The following ZNF146 variants were observed in gnomAD, a reference collection of about 807,000 sequenced individuals.
The protein encoded by ZNF146 is zinc finger protein OZF.
ZNF146 carries 9 observed loss-of-function variants against 22.2 expected under a neutral mutation model. That is an observed-to-expected ratio of 0.41 (90% CI 0.24 to 0.71). The LOEUF is 0.71. Ranked by LOEUF, ZNF146 falls within the 30% of genes least tolerant of loss-of-function variation. ZNF146 has a pLI of 0.34. For synonymous variants in ZNF146, 108 were observed against 119.2 expected (o/e 0.91, Z 0.61); for missense variants, 194 against 344.8 (o/e 0.56, Z 3.46).
chr19:36,236,313 G>T lies in ZNF146; in HGVS notation c.-128G>T. ...CTTATCCCTTACTCTGCATTTGGGA[G>T]ATCATACACAGAGAAGCCTTATAAA... On this transcript the variant is annotated 5_prime_UTR_variant, in exon 4 of 4. Coordinates refer to ENST00000443387, the MANE Select transcript of ZNF146 (RefSeq NM_007145.3). The T allele has an allele frequency of 9.0e-7, 1 of 1,110,148 alleles. No homozygotes were observed. Among genetic ancestry groups the T allele is most frequent in the African/African-American group, 1.6e-5 (1 of 63,310 alleles). The allele number at this position is 1,110,148 out of a possible 1,614,324, so 68.8% of individuals were successfully genotyped here. A position where few individuals can be genotyped will look rare whatever the true frequency, so the allele number is the denominator to read the frequency against.
intron 2 of ZNF146, among the ~76,000 whole-genome samples, chr19:36,226,809 C>T (rs559064402): frequency 2.6e-5 from 4 of 152,288 alleles, no homozygotes; most frequent in African/African-American, 7.2e-5. Context: ...TTTTGGGCCA[C>T]GTGCAGTGGC....
intron 2 of ZNF146, among the ~76,000 whole-genome samples, chr19:36,225,829 C>T (rs1230962911): frequency 2.1e-5 from 3 of 143,900 alleles, no homozygotes; most frequent in Non-Finnish European, 4.5e-5. Context: ...GGCATGATCA[C>T]GGCTCACTGC....
Position 36,233,914 on chromosome 19 carries a change from C to T in ZNF146, c.-782-1745C>T, listed in dbSNP as rs187762236. On this transcript the variant is annotated intron_variant, in intron 3 of 3. Transcript: ENST00000443387. Reference sequence around the variant, plus strand: ...AATCCTCCTCAGCACAGACCCTTTACGGGTGTCGGACTGGGGGACGGTCAG... The same window carrying T: ...AATCCTCCTCAGCACAGACCCTTTATGGGTGTCGGACTGGGGGACGGTCAG... Among the ~76,000 whole-genome samples, 43 of 146,732 alleles carry T rather than the reference C, an allele frequency of 2.9e-4. 1 individual carries two copies. Among genetic ancestry groups the T allele is most frequent in the Admixed American group, 2.6e-3 (39 of 15,088 alleles).
chr19:36,222,755 G>A (rs1976901441), intron 2 of ZNF146, among the ~76,000 whole-genome samples: 1 of 135,250 alleles, frequency 7.4e-6, no homozygotes, highest in Non-Finnish European at 1.6e-5. Context: ...AGAAAGGTTA[G>A]CCCTGTATGA....
At chr19:36,221,548 A>G (rs2145407619) in intron 2 of ZNF146, among the ~76,000 whole-genome samples, 1 of 152,226 alleles carries the variant, frequency 6.6e-6, no homozygotes, top group South Asian at 2.1e-4. Flanking sequence ...TCAGCCTCCC[A>G]AAGTACTGGG....
chr19:36,227,582 T>C (rs2145428337), intron 2 of ZNF146, among the ~76,000 whole-genome samples: 1 of 152,140 alleles, frequency 6.6e-6, no homozygotes, highest in South Asian at 2.1e-4. Flanking sequence ...GATGAACCTG[T>C]ATTCCAGGTT....
At chr19:36,218,988 T>C (rs991711201) in intron 2 of ZNF146, among the ~76,000 whole-genome samples, 13 of 151,150 alleles carry the variant, frequency 8.6e-5, no homozygotes, top group African/African-American at 3.2e-4. Context: ...TTTTGTATTT[T>C]TAGTAGAGAC....
intron 3 of ZNF146, 74 bp from the exon 4 acceptor site, chr19:36,235,585 A>C (rs1199704914): frequency 6.6e-6 from 1 of 152,218 alleles, no homozygotes; most frequent in Non-Finnish European, 1.5e-5. Flanking sequence ...AGGGCTTACC[A>C]TATGGCAGCC....
Position 36,236,860 on chromosome 19 carries a change from A to G in ZNF146, c.420A>G (p.Lys140=). 6.2e-7 allele frequency: 1 copy of G among 1,614,100 alleles called. No individual in the cohort carries two copies. The highest frequency in any genetic ancestry group is 8.5e-7 in the Non-Finnish European group (1 of 1,179,994). Residue 140 remains lysine (K), a synonymous_variant, in exon 4 of 4, where the codon AAA becomes AAG. Coordinates refer to ENST00000443387, the MANE Select transcript of ZNF146 (RefSeq NM_007145.3). ...AGTGTGGAAAAACCTTCAGTGGCAA[A>G]TCCAACCTTACTGAGCATGAGAAAA... ...CKECGKTFSG[K]SNLTEHEKIH... is the part of the protein sequence containing the mutation.
intron 3 of ZNF146, among the ~76,000 whole-genome samples, chr19:36,231,155 G>C (rs566013167): frequency 6.6e-6 from 1 of 152,270 alleles, no homozygotes; most frequent in East Asian, 1.9e-4. Flanking sequence ...TTGAGGCCAG[G>C]AGTTCGAGAC....
At chr19:36,220,654 C>T (rs909395168) in intron 2 of ZNF146, among the ~76,000 whole-genome samples, 6 of 152,124 alleles carry the variant, frequency 3.9e-5, no homozygotes, top group African/African-American at 1.4e-4. Context: ...GCGTGAGCCA[C>T]GGCGCCCGGC....
rs761467359 is a variant in ZNF146, at chr19:36,236,496, A to C, written c.56A>C (p.Lys19Thr). 6.2e-7 allele frequency: 1 copy of C among 1,614,038 alleles called. No homozygotes were observed. The highest frequency in any genetic ancestry group is 1.1e-5 in the South Asian group (1 of 91,028). ...IYSGENPFAC[K>T]VCGKVFSHKS... ...AGTGGGGAAAACCCCTTTGCCTGTA[A>C]GGTATGTGGAAAAGTCTTCAGCCAC... The change falls in exon 4 of 4, where the codon AAG becomes ACG. Residue 19 changes from lysine to threonine, a missense_variant. Lys to Thr is a moderately conservative substitution (Grantham distance 78). Around this residue, in one of 2 missense-constraint regions of ZNF146, gnomAD observed 47 missense variants for 44.7 expected, o/e 1.05. Transcript: ENST00000443387.
In ZNF146 at chr19:36,236,631, A is replaced by G; in HGVS notation, c.191A>G (p.Asn64Ser). 1 of 1,614,206 alleles carries G rather than the reference A, an allele frequency of 6.2e-7. No homozygotes were observed. Among genetic ancestry groups the G allele is most frequent in the Non-Finnish European group, 8.5e-7 (1 of 1,180,030 alleles). ...SQKQYVIKHQNTHTGEKLFEC... is the reference protein window; with the variant it reads ...SQKQYVIKHQSTHTGEKLFEC... ...AAGCAGTATGTCATTAAACATCAGA[A>G]CACCCATACTGGCGAGAAGCTTTTC... The change falls in exon 4 of 4, where the codon AAC becomes AGC. Residue 64 changes from asparagine (N) to serine (S), a missense_variant. By Grantham distance (46) the Asn-to-Ser change is conservative. Coordinates refer to ENST00000443387, the MANE Select transcript of ZNF146 (RefSeq NM_007145.3).
chr19:36,217,740 C>T (rs1284343430), intron 1 of ZNF146, among the ~76,000 whole-genome samples: 1 of 151,950 alleles, frequency 6.6e-6, no homozygotes, highest in Non-Finnish European at 1.5e-5. Flanking sequence ...CAAAATTAGC[C>T]AGGCGTGGCG....
At chr19:36,223,162 AT>A (rs1215838433) in intron 2 of ZNF146, among the ~76,000 whole-genome samples, 2 of 151,652 alleles carry the variant, frequency 1.3e-5, no homozygotes, top group Admixed American at 1.3e-4. Flanking sequence ...CACGCCTGTA[AT>A]CCCAGCACTT....
intron 2 of ZNF146, among the ~76,000 whole-genome samples, chr19:36,224,150 G>A (rs1976976775): frequency 6.6e-6 from 1 of 152,202 alleles, no homozygotes; most frequent in Non-Finnish European, 1.5e-5. Flanking sequence ...GCAAGGCCAA[G>A]GTGGGTGGAT....
At chr19:36,233,929 GGGACGGTCA>G (rs1977520397) in intron 3 of ZNF146, among the ~76,000 whole-genome samples, 1 of 152,284 alleles carries the variant, frequency 6.6e-6, no homozygotes, top group South Asian at 2.1e-4. Context: ...GTCGGACTGG[GGGACGGTCA>G]GGTCTTTCCC....
chr19:36,232,385 C>G lies in ZNF146; in HGVS notation c.-782-3274C>G, dbSNP rs1450964001. Among the ~76,000 whole-genome samples the G allele has an allele frequency of 2.6e-5, 4 of 151,950 alleles. No individual in the cohort carries two copies. The East Asian group carries it at 7.7e-4, about 29-fold the overall frequency. ...TCTGCCTTTTTTCCTCTTCCCTCTG[C>G]TTGTCCATTACTTCATATTTTCCAG... On this transcript the variant is annotated intron_variant, in intron 3 of 3. Coordinates refer to ENST00000443387, the MANE Select transcript of ZNF146 (RefSeq NM_007145.3).
chr19:36,229,244 C>T (rs1344465950), intron 3 of ZNF146, among the ~76,000 whole-genome samples: 3 of 152,206 alleles, frequency 2.0e-5, no homozygotes, highest in African/African-American at 7.2e-5. Context: ...TACACCTGTT[C>T]TCACACTTCC....
Sources: allele counts gnomAD v4.1 joint callset (sites outside exome capture counted in the v4.1 genomes callset), GRCh38; gene constraint gnomAD v4.1.1; regional missense constraint gnomAD v4.1.1; transcripts MANE v1.5; gene names NCBI Gene and HGNC (gene_info 2026-07-23, HGNC 2026-07-21).